Variants in GRIP1 observed in about 807,000 individuals in gnomAD.
GRIP1 encodes glutamate receptor-interacting protein 1.
In GRIP1, 45 loss-of-function variants were observed where a neutral mutation model predicts 129.9. That is an observed-to-expected ratio of 0.35 (90% CI 0.27 to 0.44). The LOEUF is 0.44. Ranked by LOEUF, GRIP1 falls within the 20% of genes least tolerant of loss-of-function variation. The pLI, the probability that GRIP1 is intolerant of heterozygous loss-of-function variation, is 1.00. For missense variants in GRIP1, 1,196 were observed against 1,396.8 expected (o/e 0.86, Z 2.29); for synonymous variants, 530 against 520.8 (o/e 1.02, Z -0.24).
intron 1 of GRIP1, among the ~76,000 whole-genome samples, chr12:66,873,356 T>A (rs963803702): frequency 6.6e-5 from 10 of 152,196 alleles, no homozygotes; most frequent in Middle Eastern, 3.4e-3. Flanking sequence ...TACTGTTCCA[T>A]CCATCTTCGG....
intron 1 of GRIP1, among the ~76,000 whole-genome samples, chr12:66,758,459 C>T (rs1345747734): frequency 1.3e-5 from 2 of 151,766 alleles, no homozygotes; most frequent in African/African-American, 4.8e-5. Context: ...GGGGACACAG[C>T]CAAATCATAT....
intron 6 of GRIP1, among the ~76,000 whole-genome samples, chr12:66,517,580 C>G (rs971326812): frequency 2.0e-5 from 3 of 152,114 alleles, no homozygotes; most frequent in African/African-American, 7.2e-5. Flanking sequence ...CTGTGCCATG[C>G]CCCCTGCAAG....
At chr12:66,785,343 C>CATATATATATATATATAT (rs199738180) in intron 1 of GRIP1, among the ~76,000 whole-genome samples, 1,191 of 72,638 alleles carry the variant, frequency 0.016, 59 homozygotes, top group Middle Eastern at 0.043. Flanking sequence ...TACATACATA[C>CATATATATATATATATAT]ATATATATAT....
At chr12:66,641,523 G>A (rs10784570) in intron 1 of GRIP1, among the ~76,000 whole-genome samples, 29,812 of 152,166 alleles carry the variant, frequency 0.2, 3,062 homozygotes, top group Non-Finnish European at 0.23. Context: ...CCTCTTTGCC[G>A]TTTTTCTATA....
intron 1 of GRIP1, among the ~76,000 whole-genome samples, chr12:66,810,586 T>C (rs1412875497): frequency 1.1e-5 from 1 of 89,140 alleles, no homozygotes; most frequent in Non-Finnish European, 2.3e-5. Flanking sequence ...TTACTGATAA[T>C]AGTTATGTGA....
chr12:66,523,979 C>T (rs1286415076), intron 5 of GRIP1, among the ~76,000 whole-genome samples: 1 of 152,182 alleles, frequency 6.6e-6, no homozygotes, highest in Non-Finnish European at 1.5e-5. Flanking sequence ...GAAGAGCTAA[C>T]TATCCTAAAT....
intron 1 of GRIP1, among the ~76,000 whole-genome samples, chr12:66,790,754 G>A (rs142056142): frequency 6.6e-6 from 1 of 152,206 alleles, no homozygotes; most frequent in Non-Finnish European, 1.5e-5. Context: ...CTGAGGTAAT[G>A]CACCACCCAG....
chr12:66,723,288 CTTTCTTT>C (rs2036138854), intron 1 of GRIP1, among the ~76,000 whole-genome samples: 1 of 18,598 alleles, frequency 5.4e-5, no homozygotes, highest in East Asian at 2.5e-3. Context: ...TCCTTCCTTT[CTTTCTTT>C]CTTTCTTTCT....
chr12:66,388,908 T>C (rs902952148), intron 19 of GRIP1, among the ~76,000 whole-genome samples: 3 of 152,240 alleles, frequency 2.0e-5, no homozygotes, highest in African/African-American at 7.2e-5. Flanking sequence ...GGCCTGATAT[T>C]GAGCCAGTCA....
chr12:66,787,071 C>A (rs1352622295), intron 1 of GRIP1, among the ~76,000 whole-genome samples: 1 of 152,092 alleles, frequency 6.6e-6, no homozygotes, highest in Non-Finnish European at 1.5e-5. Flanking sequence ...AATTTACGCA[C>A]AAGTAACCTT....
chr12:66,460,050 A>G (rs2059088814), intron 9 of GRIP1, among the ~76,000 whole-genome samples: 1 of 152,150 alleles, frequency 6.6e-6, no homozygotes, highest in South Asian at 2.1e-4. Flanking sequence ...CCTTTGAGGC[A>G]AGTATTATTA....
chr12:66,402,631 G>A (rs2057043779), intron 16 of GRIP1, among the ~76,000 whole-genome samples: 1 of 152,192 alleles, frequency 6.6e-6, no homozygotes, highest in African/African-American at 2.4e-5. Context: ...AGGATGGAGA[G>A]CAGCCAGCAG....
intron 1 of GRIP1, among the ~76,000 whole-genome samples, chr12:66,667,861 C>CTCTGCCTGATTTCCAAA (rs1345401481): frequency 6.6e-6 from 1 of 152,214 alleles, no homozygotes; most frequent in Non-Finnish European, 1.5e-5. Flanking sequence ...TGCCTCCTTC[C>CTCTGCCTGATTTCCAAA]TCTGCCTGAT....
intron 1 of GRIP1, among the ~76,000 whole-genome samples, chr12:67,065,969 A>C (rs549996870): frequency 6.6e-6 from 1 of 152,314 alleles, no homozygotes; most frequent in South Asian, 2.1e-4. Context: ...TTCTAAATGG[A>C]TTGGGTTTAG....
At chr12:66,606,320 C>A (rs1033294157) in intron 1 of GRIP1, among the ~76,000 whole-genome samples, 1 of 152,044 alleles carries the variant, frequency 6.6e-6, no homozygotes, top group African/African-American at 2.4e-5. Context: ...ATAAGTTACA[C>A]GAAGAAAAAT....
At chr12:66,482,648 T>C (rs1252430611) in intron 7 of GRIP1, among the ~76,000 whole-genome samples, 2 of 152,124 alleles carry the variant, frequency 1.3e-5, no homozygotes, top group South Asian at 2.1e-4. Context: ...TTATGAAAAG[T>C]AGGATTCCAA....
intron 19 of GRIP1, among the ~76,000 whole-genome samples, chr12:66,386,504 G>C (rs988274664): frequency 1.3e-5 from 2 of 152,020 alleles, no homozygotes; most frequent in African/African-American, 2.4e-5. Context: ...CGTGGTGGTG[G>C]GCGCCTGTAG....
intron 1 of GRIP1, among the ~76,000 whole-genome samples, chr12:66,940,149 T>C (rs1025049339): frequency 2.0e-5 from 3 of 150,428 alleles, no homozygotes; most frequent in African/African-American, 7.3e-5. Flanking sequence ...GATAACAACC[T>C]GTGTACGTGT....
At chr12:66,700,990 A>G (rs2035331943) in intron 1 of GRIP1, among the ~76,000 whole-genome samples, 1 of 152,114 alleles carries the variant, frequency 6.6e-6, no homozygotes. Flanking sequence ...GAGACAGGCT[A>G]ACCTCATTAA....
Sources: allele counts gnomAD v4.1 joint callset (sites outside exome capture counted in the v4.1 genomes callset), GRCh38; gene constraint gnomAD v4.1.1; transcripts MANE v1.5; gene names NCBI Gene and HGNC (gene_info 2026-07-23, HGNC 2026-07-21).